KANK4: variants seen among roughly 807,000 people sequenced by gnomAD.
The protein encoded by KANK4 is KN motif and ankyrin repeat domain-containing protein 4.
KANK4 carries 50 observed loss-of-function variants against 80.8 expected under a neutral mutation model. The observed-to-expected ratio is 0.62, with a 90% CI of 0.49 to 0.78. The LOEUF (loss-of-function observed/expected upper bound fraction) is 0.78, where lower values mean the gene tolerates loss of function less well. Among genes scored for constraint, KANK4 ranks in the 30% least tolerant of loss-of-function variants. The pLI is 0.00. For missense variants in KANK4, 1,196 were observed against 1,240.1 expected (o/e 0.96, Z 0.53); for synonymous variants, 465 against 506.9 (o/e 0.92, Z 1.11).
At chr1:62,254,278 ACT>A (rs1671696857) in intron 7 of KANK4, among the ~76,000 whole-genome samples, 1 of 152,124 alleles carries the variant, frequency 6.6e-6, no homozygotes, top group Non-Finnish European at 1.5e-5. Context: ...ACAAGGTCTC[ACT>A]CTGTCACCCA....
At position 62,247,628 on chromosome 1, in the gene KANK4, C is replaced by T. The variant is rs1374085532; in HGVS notation, c.2727G>A (p.Glu909=). The T allele has an allele frequency of 1.4e-5, 22 of 1,613,944 alleles. No individual in the cohort carries two copies. Among genetic ancestry groups the T allele is most frequent in the Non-Finnish European group, 1.8e-5 (21 of 1,180,046 alleles). ...ALMLGVSHDR[E]DMVQALLSCQ... ...AGCTAAGCAGCGCTTGAACCATGTC[C>T]TCCCTGTCGTGGCTGACTCCCAGCA... The change falls in exon 9 of 10, where the codon GAG becomes GAA. Residue 909 remains glutamate, a synonymous_variant. Transcript: ENST00000371153.
Position 62,274,656 on chromosome 1 carries a change from G to C in KANK4, c.448C>G (p.Leu150Val). 2 of 1,614,210 alleles carry C rather than the reference G, an allele frequency of 1.2e-6. No individual in the cohort carries two copies. ...LEAAEPEDAE[L>V]TFGSGRPQLL... ...TGGGGCCGTCCACTCCCAAAAGTGAGCTCGGCATCCTCTGGCTCAGCAGCT... is the reference window on the plus strand; with the variant it reads ...TGGGGCCGTCCACTCCCAAAAGTGACCTCGGCATCCTCTGGCTCAGCAGCT... Residue 150 changes from leucine to valine, a missense_variant, in exon 3 of 10, where the codon CTC becomes GTC. Around this residue, in one of 3 missense-constraint regions of KANK4, gnomAD observed 1,154 missense variants for 1,179.6 expected, o/e 0.98. Coordinates refer to ENST00000371153, the MANE Select transcript of KANK4 (RefSeq NM_181712.5).
rs1295427858 is a variant in KANK4 at position 62,263,078 on chromosome 1, C to T, written c.2539+14G>A. 1 of 1,598,006 alleles carries T rather than the reference C, an allele frequency of 6.3e-7. No homozygotes were observed. Among genetic ancestry groups the T allele is most frequent in the African/African-American group, 1.3e-5 (1 of 74,794 alleles). ...AGGAGGGACCCAGACTGTATGAATG[C>T]AACCACTTCTGACCTGTCTCCAGCA... On this transcript the variant is annotated intron_variant, in intron 7 of 9. Coordinates refer to ENST00000371153, the MANE Select transcript of KANK4 (RefSeq NM_181712.5).
chr1:62,248,776 C>G (rs1016204863), intron 8 of KANK4, among the ~76,000 whole-genome samples: 6 of 149,194 alleles, frequency 4.0e-5, no homozygotes, highest in Non-Finnish European at 7.4e-5. Context: ...AACTCCTGAC[C>G]TCAGGTGATC....
chr1:62,258,992 G>C (rs1341813136), intron 7 of KANK4, among the ~76,000 whole-genome samples: 1 of 152,112 alleles, frequency 6.6e-6, no homozygotes, highest in African/African-American at 2.4e-5. Flanking sequence ...TGGAGTGGAG[G>C]GAAGGAGGAG....
intron 7 of KANK4, among the ~76,000 whole-genome samples, chr1:62,260,194 C>T (rs565431425): frequency 2.2e-4 from 33 of 152,306 alleles, no homozygotes; most frequent in Non-Finnish European, 4.0e-4. Flanking sequence ...CTGCCCTCAC[C>T]TGCCTCCGCT....
intron 1 of KANK4, among the ~76,000 whole-genome samples, chr1:62,283,337 C>G (rs1200148817): frequency 1.3e-5 from 2 of 152,126 alleles, no homozygotes; most frequent in East Asian, 3.9e-4. Context: ...ACACCATCAC[C>G]CAAAGAGGAT....
chr1:62,294,916 C>T (rs1289599611), intron 1 of KANK4, among the ~76,000 whole-genome samples: 1 of 152,220 alleles, frequency 6.6e-6, no homozygotes, highest in South Asian at 2.1e-4. Flanking sequence ...AGATGGGATT[C>T]CTTCAGTGTT....
rs139986683 is a variant in KANK4, at chr1:62,262,976, A to G, written c.2539+116T>C. 74 of 755,536 alleles carry G rather than the reference A, an allele frequency of 9.8e-5. No individual in the cohort carries two copies. In the African/African-American group the frequency reaches 1.1e-3, roughly 12 times the overall value. 46.8% of individuals were successfully genotyped at this position (755,536 alleles called of 1,614,324 possible). On this transcript the variant is annotated intron_variant, in intron 7 of 9. Coordinates refer to ENST00000371153, the MANE Select transcript of KANK4 (RefSeq NM_181712.5). The stretch of plus-strand genomic sequence containing the variant: ...GACTTCACCACTGTGCAATTCATCC[A>G]TGTAACCAAAAACCACTTGTACCTT...
In KANK4 at chr1:62,299,027, G is replaced by C. The variant is rs149128872; in HGVS notation, c.-70-17393C>G. 5.9e-5 allele frequency among the ~76,000 whole-genome samples: 9 copies of C among 152,142 alleles called. No homozygotes were observed. In the South Asian group the frequency reaches 1.7e-3, roughly 28 times the overall value. ...ACAAAGATAGTAAAAGGCAGAGCTA[G>C]GGATGAATTTAGGTGTTCCTGCCCA... On this transcript the variant is annotated intron_variant, in intron 1 of 9. Transcript: ENST00000371153.
chr1:62,294,339 A>G (rs1400970443), intron 1 of KANK4, among the ~76,000 whole-genome samples: 2 of 152,176 alleles, frequency 1.3e-5, no homozygotes, highest in African/African-American at 4.8e-5. Context: ...CTCCTGGGTC[A>G]CTTCAGCGAA....
Position 62,238,163 on chromosome 1 carries a change from G to A in KANK4, c.*114C>T. ...GGAATGTATGTGCATATTTGACATAGTTTCTTCTCTAGAAGGGTGGCTCTC... is the reference window on the plus strand; with the variant it reads ...GGAATGTATGTGCATATTTGACATAATTTCTTCTCTAGAAGGGTGGCTCTC... On this transcript the variant is annotated 3_prime_UTR_variant, in exon 10 of 10. Transcript: ENST00000371153. 2 of 658,768 alleles carry A rather than the reference G, an allele frequency of 3.0e-6. No individual in the cohort carries two copies. The highest frequency in any genetic ancestry group is 5.3e-6 in the Non-Finnish European group (2 of 375,662). The allele number at this position is 658,768 out of a possible 1,614,324, so 40.8% of individuals were successfully genotyped here.
At chr1:62,246,469 G>T (rs1168979771) in intron 9 of KANK4, among the ~76,000 whole-genome samples, 1 of 152,212 alleles carries the variant, frequency 6.6e-6, no homozygotes, top group Non-Finnish European at 1.5e-5. Context: ...TTATTGCCAT[G>T]ACCAGATGAG....
chr1:62,281,598 T>A lies in KANK4; in HGVS notation c.-34A>T. 6.2e-7 allele frequency: 1 copy of A among 1,613,898 alleles called. No homozygotes were observed. Among genetic ancestry groups the A allele is most frequent in the Non-Finnish European group, 8.5e-7 (1 of 1,179,774 alleles). On this transcript the variant is annotated 5_prime_UTR_variant, in exon 2 of 10. Transcript: ENST00000371153. ...CGCTGACCCTCAGTGTCTCAGGCAC[T>A]CTTCATCCAATGAGTCTGTAAAACT...
intron 1 of KANK4, among the ~76,000 whole-genome samples, chr1:62,298,609 G>A (rs979108720): frequency 1.2e-4 from 19 of 152,286 alleles, no homozygotes; most frequent in Admixed American, 3.3e-4. Flanking sequence ...ACTTGAAACC[G>A]TGTGACCTTG....
At chr1:62,307,490 A>AAAAC (rs945504552) in intron 1 of KANK4, among the ~76,000 whole-genome samples, 1 of 151,764 alleles carries the variant, frequency 6.6e-6, no homozygotes, top group African/African-American at 2.4e-5. Context: ...AAAAAAAAAA[A>AAAAC]AAAAAAAATT....
chr1:62,260,002 T>G (rs1391773409), intron 7 of KANK4, among the ~76,000 whole-genome samples: 1 of 152,128 alleles, frequency 6.6e-6, no homozygotes, highest in Non-Finnish European at 1.5e-5. Flanking sequence ...GATTGACTGT[T>G]AACTACCCCT....
intron 9 of KANK4, among the ~76,000 whole-genome samples, chr1:62,244,477 T>C (rs543705431): frequency 3.9e-5 from 6 of 152,262 alleles, no homozygotes; most frequent in African/African-American, 9.6e-5. Context: ...AATTGAATCA[T>C]GGGGGCAGGT....
chr1:62,244,132 CACCTACCCAAAGGA>C (rs1185179632), intron 9 of KANK4, among the ~76,000 whole-genome samples: 3 of 152,038 alleles, frequency 2.0e-5, no homozygotes, highest in South Asian at 2.1e-4. Flanking sequence ...ATACTTAGGT[CACCTACCCAAAGGA>C]ACCTACCCAA....
Sources: allele counts gnomAD v4.1 joint callset (sites outside exome capture counted in the v4.1 genomes callset), GRCh38; gene constraint gnomAD v4.1.1; regional missense constraint gnomAD v4.1.1; transcripts MANE v1.5; gene names NCBI Gene and HGNC (gene_info 2026-07-23, HGNC 2026-07-21).